ADRA1B: variants seen among roughly 807,000 people sequenced by gnomAD.
ADRA1B encodes the protein alpha-1B adrenergic receptor.
Under a neutral mutation model 17.9 loss-of-function variants are expected in ADRA1B, and 17 were observed. The observed-to-expected ratio is 0.95, with a 90% CI of 0.65 to 1.42. The LOEUF (loss-of-function observed/expected upper bound fraction) is 1.42. Ranked by LOEUF, ADRA1B falls within the 40% of genes most tolerant of loss-of-function variation. The pLI is 0.00. For synonymous variants in ADRA1B, 366 were observed against 327.6 expected, an observed-to-expected ratio of 1.12 and a Z score of -1.27; for missense variants, 681 against 722.1, an observed-to-expected ratio of 0.94 and a Z score of 0.65.
intron 1 of ADRA1B, among the ~76,000 whole-genome samples, chr5:159,902,380 A>C (rs1421592436): frequency 2.6e-5 from 4 of 152,204 alleles, no homozygotes; most frequent in Admixed American, 2.0e-4. Context: ...TGTAAGATGA[A>C]CAAGTTCTAC....
upstream of ADRA1B, among the ~76,000 whole-genome samples, chr5:159,914,639 C>T (rs768583922): frequency 6.6e-6 from 1 of 152,154 alleles, no homozygotes; most frequent in Non-Finnish European, 1.5e-5. Flanking sequence ...GTGCACTTTG[C>T]TGGGAGTAAA....
At chr5:159,974,566 G>A (rs1381070234), downstream of ADRA1B, among the ~76,000 whole-genome samples, 1 of 151,610 alleles carries the variant, frequency 6.6e-6, no homozygotes, top group Non-Finnish European at 1.5e-5. Flanking sequence ...AACCCAGGGG[G>A]CGGAGGTTGC....
Position 159,916,684 on chromosome 5 carries a change from C to G in ADRA1B, c.-222C>G. ...TTAAACTTGGAGCTGCCGCCTCGTC[C>G]CCTCTCCTCCTCCTCCTCCCTCTGA... On this transcript the variant is annotated 5_prime_UTR_variant, in exon 1 of 2. Coordinates refer to ENST00000306675, the MANE Select transcript of ADRA1B (RefSeq NM_000679.4). 2 of 535,116 alleles carry G rather than the reference C, an allele frequency of 3.7e-6. No homozygotes were observed. The highest frequency in any genetic ancestry group is 3.0e-5 in the South Asian group (1 of 33,818). The allele number at this position is 535,116 out of a possible 1,614,324, so 33.1% of individuals were successfully genotyped here.
chr5:159,882,014 C>A (rs981096068), intron 1 of ADRA1B, among the ~76,000 whole-genome samples: 3 of 152,120 alleles, frequency 2.0e-5, no homozygotes, highest in Admixed American at 6.6e-5. Flanking sequence ...TGATCCTAGC[C>A]ATCTCTGGAA....
Position 159,972,283 on chromosome 5 carries a change from GC to G in ADRA1B, c.1357del (p.Leu453SerfsTer2). On this transcript the variant is annotated frameshift_variant, in exon 2 of 2. Coordinates refer to ENST00000306675, the MANE Select transcript of ADRA1B (RefSeq NM_000679.4). LOFTEE classifies it low-confidence loss of function (END_TRUNC). ...CAFPEWKAPG[A>X]LLSLPAPEPP... ...CTTCCCCGAGTGGAAGGCGCCCGGC[GC>G]CCTCCTGAGCCTGCCCGCGCCTGAG... is the stretch of plus-strand genomic sequence containing the variant. 1.5e-6 allele frequency: 2 copies of G among 1,368,776 alleles called. No individual in the cohort carries two copies. The highest frequency in any genetic ancestry group is 3.3e-5 in the South Asian group (2 of 60,252). 84.8% of individuals were successfully genotyped at this position (1,368,776 alleles called of 1,614,324 possible). A position where few individuals can be genotyped will look rare whatever the true frequency, so the allele number is the denominator to read the frequency against.
chr5:159,962,234 T>C (rs1367381468), intron 1 of ADRA1B, among the ~76,000 whole-genome samples: 1 of 152,012 alleles, frequency 6.6e-6, no homozygotes, highest in Non-Finnish European at 1.5e-5. Context: ...AAAAGATTCC[T>C]CCATTTATGC....
At chr5:159,904,214 G>T (rs1413261547) in intron 1 of ADRA1B, among the ~76,000 whole-genome samples, 1 of 152,176 alleles carries the variant, frequency 6.6e-6, no homozygotes, top group East Asian at 1.9e-4. Flanking sequence ...GGACATTAGA[G>T]ACCTCAGTTC....
At chr5:159,951,269 G>GA in intron 1 of ADRA1B, 2 of 1,175,962 alleles carry the variant, frequency 1.7e-6, no homozygotes, top group Non-Finnish European at 2.5e-6. Context: ...CTTGCTCCTG[G>GA]AAGATGGTGA....
intron 1 of ADRA1B, among the ~76,000 whole-genome samples, chr5:159,894,520 G>A (rs141319977): frequency 5.0e-4 from 76 of 152,154 alleles, no homozygotes; most frequent in African/African-American, 1.6e-3. Context: ...GCTTCCCATC[G>A]GTTTAGGTCA....
intron 1 of ADRA1B, among the ~76,000 whole-genome samples, chr5:159,932,611 GTCTC>G (rs1754842062): frequency 6.6e-6 from 1 of 152,212 alleles, no homozygotes; most frequent in East Asian, 1.9e-4. Context: ...TGAAAAGTCT[GTCTC>G]TCTCACTTCC....
chr5:159,971,875 G>A lies in ADRA1B; in HGVS notation c.950-4G>A, dbSNP rs775667759. ...GCCCGTGCCCACCCCCCTCCCCACT[G>A]CAGGCTCCTTGTTCTCCACCCTGAA... On this transcript the variant is annotated splice_polypyrimidine_tract_variant and splice_region_variant and intron_variant, in intron 1 of 1. Transcript: ENST00000306675. 9.9e-6 allele frequency: 13 copies of A among 1,312,200 alleles called. No individual in the cohort carries two copies. Among genetic ancestry groups the A allele is most frequent in the Non-Finnish European group, 1.2e-5 (12 of 1,024,436 alleles). The allele number at this position is 1,312,200 out of a possible 1,614,324, so 81.3% of individuals were successfully genotyped here. A position where few individuals can be genotyped will look rare whatever the true frequency, so the allele number is the denominator to read the frequency against.
chr5:159,946,192 A>G (rs1277923579), intron 1 of ADRA1B, among the ~76,000 whole-genome samples: 3 of 152,234 alleles, frequency 2.0e-5, no homozygotes, highest in Non-Finnish European at 4.4e-5. Context: ...GTTCTTACCT[A>G]TAAAAATCTA....
In ADRA1B at chr5:159,917,015, T is replaced by A; in HGVS notation, c.110T>A (p.Leu37Gln). Residue 37 changes from leucine to glutamine, a missense_variant, in exon 1 of 2, where the codon CTG (leucine) becomes CAG (glutamine). By Grantham distance (113) the Leu-to-Gln change is moderately radical. Transcript: ENST00000306675. ...AACCAGACCTCGAGCAACTCCACAC[T>A]GCCCCAGCTGGACATCACCAGGGCC... The part of the protein sequence containing the change: ...GPNQTSSNST[L>Q]PQLDITRAIS... 1.9e-6 allele frequency: 3 copies of A among 1,614,126 alleles called. No homozygotes were observed. The highest frequency in any genetic ancestry group is 2.5e-6 in the Non-Finnish European group (3 of 1,180,004).
At chr5:159,951,253 A>G (rs1320897694) in intron 1 of ADRA1B, 25 of 986,740 alleles carry the variant, frequency 2.5e-5, no homozygotes, top group Non-Finnish European at 4.0e-5. Flanking sequence ...TTGATTTTGG[A>G]GGGATCTTGC....
intron 1 of ADRA1B, among the ~76,000 whole-genome samples, chr5:159,899,450 T>C (rs964911860): frequency 1.1e-4 from 17 of 152,186 alleles, no homozygotes; most frequent in Admixed American, 3.3e-4. Flanking sequence ...GGAAAATTGA[T>C]TGACAGCCAT....
chr5:159,953,322 C>T (rs767583152), intron 1 of ADRA1B, among the ~76,000 whole-genome samples: 15 of 152,220 alleles, frequency 9.9e-5, no homozygotes, highest in Non-Finnish European at 1.8e-4. Context: ...CGTGCCACCG[C>T]ACTCTAGCCT....
At chr5:159,969,058 A>C (rs1224763742) in intron 1 of ADRA1B, among the ~76,000 whole-genome samples, 3 of 152,206 alleles carry the variant, frequency 2.0e-5, no homozygotes, top group Non-Finnish European at 2.9e-5. Flanking sequence ...ACAGAGTCTT[A>C]ATCCAAAAGA....
rs1479851299 is a variant in ADRA1B at position 159,871,191 on chromosome 5, A to G, written c.-256+5985A>G. The stretch of plus-strand genomic sequence containing the variant: ...ATTCATGTTATTTTTTGCCAACTAA[A>G]TAGTTAACTGTGCTTGCATTAAATA... On this transcript the variant is annotated intron_variant, in intron 1 of 2. Coordinates refer to the ADRA1B transcript ENST00000641205. 3 of 152,178 alleles carry G rather than the reference A, an allele frequency of 2.0e-5. No homozygotes were observed. In the East Asian group the frequency reaches 5.8e-4, roughly 29 times the overall value. 9.4% of individuals were successfully genotyped at this position (152,178 alleles called of 1,614,324 possible).
intron 1 of ADRA1B, among the ~76,000 whole-genome samples, chr5:159,918,302 G>C (rs1754388483): frequency 6.6e-6 from 1 of 152,232 alleles, no homozygotes; most frequent in Non-Finnish European, 1.5e-5. Flanking sequence ...CAGAAAGGCA[G>C]CATTCATTCA....
Sources: gnomAD v4.1 joint callset for allele counts (sites outside exome capture counted in the v4.1 genomes callset) on GRCh38, gnomAD v4.1.1 for gene constraint, MANE v1.5 for transcripts, NCBI Gene and HGNC (gene_info 2026-07-23, HGNC 2026-07-21) for gene names.